Variants in PTPRE observed in about 807,000 individuals in gnomAD.
PTPRE encodes receptor-type tyrosine-protein phosphatase epsilon.
PTPRE carries 51 observed loss-of-function variants against 102.0 expected under a neutral mutation model. The observed-to-expected ratio is 0.50, with a 90% CI of 0.40 to 0.63. The LOEUF (loss-of-function observed/expected upper bound fraction) is 0.63. Among genes scored for constraint, PTPRE ranks in the 30% least tolerant of loss-of-function variants. The probability of loss-of-function intolerance (pLI) is 0.00; values close to 1 mark genes in which losing one functional copy is unlikely to be tolerated. For missense variants in PTPRE, 752 were observed against 915.1 expected, an observed-to-expected ratio of 0.82 and a Z score of 2.30; for synonymous variants, 345 against 348.2, an observed-to-expected ratio of 0.99 and a Z score of 0.10.
chr10:127,967,962 A>G (rs139730234), intron 1 of PTPRE, among the ~76,000 whole-genome samples: 288 of 152,080 alleles, frequency 1.9e-3, no homozygotes, highest in African/African-American at 6.4e-3. Context: ...TAGCTATTCA[A>G]TGAATCTAAA....
chr10:128,033,438 T>G (rs11016025), intron 2 of PTPRE, among the ~76,000 whole-genome samples: 86,549 of 151,986 alleles, frequency 0.57, 24,750 homozygotes, highest in East Asian at 0.62. Context: ...TTTCATGGAA[T>G]CCCAATACAA....
At chr10:127,914,056 C>T (rs1194749621) in intron 1 of PTPRE, among the ~76,000 whole-genome samples, 4 of 152,108 alleles carry the variant, frequency 2.6e-5, no homozygotes, top group Admixed American at 6.5e-5. Context: ...TGATTACTAG[C>T]GCCATCCCTT....
At chr10:127,982,481 A>G (rs1454573946) in intron 2 of PTPRE, among the ~76,000 whole-genome samples, 185 bp downstream of exon 2, 1 of 143,856 alleles carries the variant, frequency 7.0e-6, no homozygotes, top group African/African-American at 2.7e-5. Flanking sequence ...TTTTTGTTAC[A>G]TCATTTGCGT....
intron 2 of PTPRE, among the ~76,000 whole-genome samples, chr10:128,037,310 C>T (rs990398674): frequency 2.6e-5 from 4 of 152,214 alleles, no homozygotes. Context: ...TGTCCCCTGG[C>T]CTGCGTCTCC....
At chr10:127,912,886 C>G (rs1845958062) in intron 1 of PTPRE, among the ~76,000 whole-genome samples, 1 of 152,220 alleles carries the variant, frequency 6.6e-6, no homozygotes, top group Non-Finnish European at 1.5e-5. Context: ...GTGGAGGAGG[C>G]CAAGTGGCGG....
At chr10:127,986,831 G>A (rs1446776638) in intron 2 of PTPRE, among the ~76,000 whole-genome samples, 2 of 152,250 alleles carry the variant, frequency 1.3e-5, no homozygotes, top group Admixed American at 6.5e-5. Flanking sequence ...TATATGCCCC[G>A]GGCCGGCCTT....
chr10:128,048,830 G>A, intron 5 of PTPRE, among the ~76,000 whole-genome samples: 1 of 152,156 alleles, frequency 6.6e-6, no homozygotes, highest in Non-Finnish European at 1.5e-5. Context: ...CTGCAGGTGG[G>A]GACAGGCCCT....
chr10:128,006,277 A>G lies in PTPRE; in HGVS notation c.-8+23981A>G, dbSNP rs778733702. Among the ~76,000 whole-genome samples, 6 of 152,278 alleles carry G rather than the reference A, an allele frequency of 3.9e-5. No homozygotes were observed. The East Asian group carries it at 1.2e-3, about 29-fold the overall frequency. On this transcript the variant is annotated intron_variant, in intron 2 of 20. Transcript: ENST00000254667. ...CTTTCACTCTGAAGTTCTGACCTAAATTGGCATTGGCACCATCAGGGTCCC... is the reference window on the plus strand; with the variant it reads ...CTTTCACTCTGAAGTTCTGACCTAAGTTGGCATTGGCACCATCAGGGTCCC...
chr10:128,060,901 G>A, intron 7 of PTPRE, 38 bp from the exon 8 acceptor site: 2 of 1,582,150 alleles, frequency 1.3e-6, no homozygotes, highest in Non-Finnish European at 1.7e-6. Context: ...GTGATTCCTG[G>A]TCCTAATATC....
Position 128,040,965 on chromosome 10 carries a change from C to T in PTPRE, c.84C>T (p.Asp28=). ...TCAGGGGCAACGAGACCACTGCCGACAGCAACGAGACAACCACGACCTCAG... is the reference window on the plus strand; with the variant it reads ...TCAGGGGCAACGAGACCACTGCCGATAGCAACGAGACAACCACGACCTCAG... The part of the protein sequence containing the change: ...RALRGNETTA[D]SNETTTTSGP... The change falls in exon 3 of 21, where the codon GAC becomes GAT. Residue 28 remains aspartate, a synonymous_variant. Transcript: ENST00000254667. The T allele has an allele frequency of 1.2e-6, 2 of 1,614,090 alleles. No homozygotes were observed. Among genetic ancestry groups the T allele is most frequent in the Non-Finnish European group, 1.7e-6 (2 of 1,180,004 alleles).
intron 2 of PTPRE, among the ~76,000 whole-genome samples, chr10:127,993,432 G>C (rs1468584898): frequency 6.6e-6 from 1 of 152,176 alleles, no homozygotes; most frequent in East Asian, 1.9e-4. Flanking sequence ...TGATGTGGAA[G>C]CCATGCCTGA....
chr10:128,030,233 C>A (rs993142370), intron 2 of PTPRE, among the ~76,000 whole-genome samples: 1 of 152,228 alleles, frequency 6.6e-6, no homozygotes, highest in Non-Finnish European at 1.5e-5. Context: ...TGGCGAACAA[C>A]GGGGCCACGC....
intron 2 of PTPRE, among the ~76,000 whole-genome samples, 190 bp downstream of exon 2, chr10:127,982,486 T>C (rs1046940707): frequency 7.6e-6 from 1 of 132,092 alleles, no homozygotes; most frequent in Non-Finnish European, 1.6e-5. Context: ...GTTACATCAT[T>C]TGCGTGTGTG....
In PTPRE at chr10:128,047,448, G is replaced by C. The variant is rs748942535; in HGVS notation, c.168G>C (p.Leu56=). The change falls in exon 4 of 21, where the codon CTG becomes CTC. Residue 56 remains leucine, a synonymous_variant. Coordinates refer to ENST00000254667, the MANE Select transcript of PTPRE (RefSeq NM_006504.6). ...PLLAWLLLPL[L]LLLLVLLLAA... is the part of the protein sequence containing the mutation. ...TGGCCTGGCTGCTACTGCCGCTGCTGCTCCTCCTCCTCGTGCTCCTTCTCG... is the reference window on the plus strand; with the variant it reads ...TGGCCTGGCTGCTACTGCCGCTGCTCCTCCTCCTCCTCGTGCTCCTTCTCG... The C allele has an allele frequency of 1.9e-6, 3 of 1,613,366 alleles. No homozygotes were observed. Among genetic ancestry groups the C allele is most frequent in the South Asian group, 1.1e-5 (1 of 91,060 alleles).
intron 1 of PTPRE, among the ~76,000 whole-genome samples, chr10:127,920,003 G>C (rs963520362): frequency 1.3e-5 from 2 of 152,030 alleles, no homozygotes; most frequent in South Asian, 4.1e-4. Context: ...TGGCATCTTG[G>C]AAATTGGAGC....
intron 2 of PTPRE, among the ~76,000 whole-genome samples, chr10:128,001,344 TG>T (rs1703599203): frequency 6.6e-6 from 1 of 152,212 alleles, no homozygotes; most frequent in Admixed American, 6.5e-5. Flanking sequence ...GGTGTCAGTG[TG>T]CTGGAGAAAG....
At chr10:127,922,745 A>G (rs1185819944) in intron 1 of PTPRE, among the ~76,000 whole-genome samples, 1 of 152,220 alleles carries the variant, frequency 6.6e-6, no homozygotes, top group Non-Finnish European at 1.5e-5. Context: ...TGAACTCTAT[A>G]CCAAGGTGGG....
intron 2 of PTPRE, among the ~76,000 whole-genome samples, chr10:128,001,296 A>G (rs1036932366): frequency 1.3e-5 from 2 of 152,184 alleles, no homozygotes; most frequent in African/African-American, 4.8e-5. Context: ...GTTCTCAGGA[A>G]GTCTTCAGCT....
rs1845547118 is a variant in PTPRE at position 127,907,367 on chromosome 10, A to G, written c.-31+58A>G. On this transcript the variant is annotated intron_variant, in intron 1 of 20. Transcript: ENST00000254667. The surrounding 1 kb of genome is among the most constrained non-coding windows in gnomAD (Gnocchi z 4.8). ...CCTGTGGGGAACTGTGCACCCCGGG[A>G]GGCCCAAGCAGGCCGGGGCGCTGCC... 3.1e-6 allele frequency: 3 copies of G among 978,446 alleles called. No individual in the cohort carries two copies. The highest frequency in any genetic ancestry group is 5.2e-4 in the Middle Eastern group (1 of 1,924). 60.6% of individuals were successfully genotyped at this position (978,446 alleles called of 1,614,324 possible).
Sources: allele counts gnomAD v4.1 joint callset (sites outside exome capture counted in the v4.1 genomes callset), GRCh38; gene constraint gnomAD v4.1.1; non-coding constraint Gnocchi (gnomAD v3.1); transcripts MANE v1.5; gene names NCBI Gene and HGNC (gene_info 2026-07-23, HGNC 2026-07-21).